The following DOK6 variants were observed in gnomAD, a reference collection of about 807,000 sequenced individuals.
The protein encoded by DOK6 is downstream of tyrosine kinase 6.
In DOK6, 22 loss-of-function variants were observed where a neutral mutation model predicts 44.0. The observed-to-expected ratio is 0.50, with a 90% confidence interval of 0.36 to 0.71. DOK6 has a LOEUF of 0.71. Ranked by LOEUF, DOK6 falls within the 30% of genes least tolerant of loss-of-function variation. DOK6 has a pLI of 0.00. For synonymous variants in DOK6, 166 were observed against 145.5 expected (o/e 1.14, Z -1.01); for missense variants, 340 against 416.4 (o/e 0.82, Z 1.60).
intron 7 of DOK6, among the ~76,000 whole-genome samples, chr18:69,775,644 T>C (rs1328093481): frequency 2.0e-5 from 3 of 151,250 alleles, no homozygotes; most frequent in African/African-American, 7.3e-5. Context: ...TAAATAAATA[T>C]TATAACAGAC....
intron 7 of DOK6, among the ~76,000 whole-genome samples, chr18:69,839,994 G>A (rs986570361): frequency 6.6e-6 from 1 of 152,190 alleles, no homozygotes; most frequent in East Asian, 1.9e-4. Flanking sequence ...CTACCGCTAA[G>A]TGGTTAAGTG....
intron 1 of DOK6, among the ~76,000 whole-genome samples, chr18:69,449,086 C>T (rs890094490): frequency 6.6e-6 from 1 of 152,174 alleles, no homozygotes; most frequent in Non-Finnish European, 1.5e-5. Context: ...ATCTTTCGCT[C>T]TCTTTAGTAA....
intron 3 of DOK6, among the ~76,000 whole-genome samples, chr18:69,611,168 C>T (rs551231941): frequency 6.6e-6 from 1 of 152,068 alleles, no homozygotes; most frequent in Non-Finnish European, 1.5e-5. Flanking sequence ...TGAAATTTTG[C>T]CTATGTGAAT....
rs1985955096 is a variant in DOK6, at chr18:69,677,751, T to C, written c.307T>C (p.Trp103Arg). Residue 103 changes from tryptophan (W) to arginine (R), a missense_variant, in exon 4 of 8, where the codon TGG becomes CGG. Physicochemically the swap from Trp to Arg is moderately radical, Grantham distance 101. Around this residue, in one of 3 missense-constraint regions of DOK6, gnomAD observed 206 missense variants for 258.6 expected, o/e 0.80. Transcript: ENST00000382713. ...ACTTTCAGAGCTGGAGGCCGAGGAG[T>C]GGTGCAAGCACCTCTGCATGGAGTG... Reference protein sequence around the residue: ...ACESELEAEEWCKHLCMECLG... With the variant: ...ACESELEAEERCKHLCMECLG... 6.2e-7 allele frequency: 1 copy of C among 1,613,352 alleles called. No individual in the cohort carries two copies. Among genetic ancestry groups the C allele is most frequent in the Non-Finnish European group, 8.5e-7 (1 of 1,179,662 alleles).
intron 1 of DOK6, among the ~76,000 whole-genome samples, chr18:69,509,637 C>CAA (rs1183367298): frequency 0.13 from 4,352 of 33,680 alleles, 808 homozygotes; most frequent in Admixed American, 0.15. Context: ...GGCTCTGTCT[C>CAA]AAAAAAAAAA....
chr18:69,736,506 T>A lies in DOK6; in HGVS notation c.600-2459T>A, dbSNP rs79188493. On this transcript the variant is annotated intron_variant, in intron 5 of 7. Transcript: ENST00000382713. ...AAAGACATTGTTAGATATAAAGAGATTACAATTGCAATTGTCTACAAACAT... is the reference window on the plus strand; with the variant it reads ...AAAGACATTGTTAGATATAAAGAGAATACAATTGCAATTGTCTACAAACAT... Among the ~76,000 whole-genome samples, 10 of 152,316 alleles carry A rather than the reference T, an allele frequency of 6.6e-5. No individual in the cohort carries two copies. In the East Asian group the frequency reaches 1.9e-3, roughly 29 times the overall value.
chr18:69,617,595 A>G (rs1984328824), intron 3 of DOK6, among the ~76,000 whole-genome samples: 1 of 149,994 alleles, frequency 6.7e-6, no homozygotes, highest in South Asian at 2.1e-4. Context: ...AGAGACAGAA[A>G]AGACTGAGCG....
intron 3 of DOK6, among the ~76,000 whole-genome samples, chr18:69,616,290 G>A (rs947623077): frequency 3.3e-5 from 5 of 152,088 alleles, no homozygotes; most frequent in Non-Finnish European, 5.9e-5. Context: ...CTCTGCGTCG[G>A]TGTCCGTGTG....
rs1199481998 is a variant in DOK6 at position 69,512,323 on chromosome 18, T to TTTC, written c.67-52155_67-52153dup. ...GTCAAGCCAACCCCTTCGTCTTTGC[T>TTTC]TTCTTCTTCTTTTTTTTTTTTTTTT... On this transcript the variant is annotated intron_variant, in intron 1 of 7. Transcript: ENST00000382713. 9.6e-3 allele frequency among the ~76,000 whole-genome samples: 1,242 copies of TTTC among 128,812 alleles called. 52 individuals are homozygous for TTTC. The highest frequency in any genetic ancestry group is 0.016 in the Middle Eastern group (4 of 252). The allele number at this position is 128,812 out of a possible 152,430, so 84.5% of individuals were successfully genotyped here.
intron 7 of DOK6, among the ~76,000 whole-genome samples, chr18:69,838,254 C>A (rs74851249): frequency 5.5e-4 from 73 of 132,488 alleles, no homozygotes; most frequent in African/African-American, 1.0e-3. Context: ...AAAAAAAAAA[C>A]AGGATAAAAC....
intron 7 of DOK6, among the ~76,000 whole-genome samples, chr18:69,828,884 G>GTGTATA (rs1555673465): frequency 8.9e-5 from 8 of 90,172 alleles, no homozygotes; most frequent in Admixed American, 7.1e-4. Context: ...ACATTTATGT[G>GTGTATA]TATATATATA....
intron 1 of DOK6, among the ~76,000 whole-genome samples, chr18:69,556,367 C>T (rs1982686169): frequency 6.6e-6 from 1 of 152,172 alleles, no homozygotes; most frequent in African/African-American, 2.4e-5. Flanking sequence ...TTCATGTTCT[C>T]TAATGCTGCT....
chr18:69,576,911 G>C (rs910938294), intron 2 of DOK6, among the ~76,000 whole-genome samples: 23 of 152,228 alleles, frequency 1.5e-4, no homozygotes, highest in Admixed American at 1.5e-3. Flanking sequence ...TATGAGTTCT[G>C]TCTACAGGGA....
intron 5 of DOK6, among the ~76,000 whole-genome samples, chr18:69,730,983 T>C (rs2144731221): frequency 6.6e-6 from 1 of 152,220 alleles, no homozygotes; most frequent in South Asian, 2.1e-4. Flanking sequence ...AAAAATTCAG[T>C]AGATCAAACA....
At chr18:69,698,161 GAC>G (rs925474478) in intron 4 of DOK6, among the ~76,000 whole-genome samples, 1 of 152,116 alleles carries the variant, frequency 6.6e-6, no homozygotes, top group Non-Finnish European at 1.5e-5. Flanking sequence ...CCTCACCATA[GAC>G]AATACATGCA....
chr18:69,430,840 C>G (rs1978785929), intron 1 of DOK6, among the ~76,000 whole-genome samples: 1 of 152,086 alleles, frequency 6.6e-6, no homozygotes, highest in Non-Finnish European at 1.5e-5. Context: ...GTGGCGGGTG[C>G]CTGTGGTCCC....
chr18:69,640,027 A>T (rs1195718769), intron 3 of DOK6, among the ~76,000 whole-genome samples: 5 of 152,110 alleles, frequency 3.3e-5, no homozygotes, highest in Non-Finnish European at 5.9e-5. Context: ...CTTAGATACC[A>T]TTTTAACCAG....
In DOK6 at chr18:69,525,310, T is replaced by C. The variant is rs1040812328; in HGVS notation, c.67-39177T>C. ...ATTTTCTTTATTTCAATTTAACTTG[T>C]ATTTTTTCTTTATATTTTAAAATTT... On this transcript the variant is annotated intron_variant, in intron 1 of 7. Coordinates refer to ENST00000382713, the MANE Select transcript of DOK6 (RefSeq NM_152721.6). Among the ~76,000 whole-genome samples the C allele has an allele frequency of 7.9e-5, 12 of 152,158 alleles. No individual in the cohort carries two copies. The South Asian group carries it at 2.5e-3, about 31-fold the overall frequency.
In DOK6 at chr18:69,677,690, C is replaced by G. The variant is rs201842470; in HGVS notation, c.290-44C>G. 5.7e-4 allele frequency: 921 copies of G among 1,610,242 alleles called. 12 individuals carry two copies. In the South Asian group the frequency reaches 9.5e-3, roughly 17 times the overall value. ...AAGGAAATATTCTTCTTCCATCATT[C>G]CTAGGGAGCATTGCTTGACTGGTGA... On this transcript the variant is annotated intron_variant, in intron 3 of 7. Transcript: ENST00000382713.
Sources: allele counts gnomAD v4.1 joint callset (sites outside exome capture counted in the v4.1 genomes callset), GRCh38; gene constraint gnomAD v4.1.1; regional missense constraint gnomAD v4.1.1; transcripts MANE v1.5; gene names NCBI Gene and HGNC (gene_info 2026-07-23, HGNC 2026-07-21).